The following ELFN2 variants were observed in gnomAD, a reference collection of about 807,000 sequenced individuals.
ELFN2 encodes extracellular leucine rich repeat and fibronectin type III domain containing 2.
In ELFN2, 17 loss-of-function variants were observed where a neutral mutation model predicts 45.5. The ratio of observed to expected loss-of-function variants is 0.37; its 90% CI spans 0.26 to 0.56. ELFN2 has a LOEUF of 0.56. Among genes scored for constraint, ELFN2 ranks in the 20% least tolerant of loss-of-function variants. The pLI, the probability that ELFN2 is intolerant of heterozygous loss-of-function variation, is 0.77. For synonymous variants in ELFN2, 550 were observed against 551.5 expected, an observed-to-expected ratio of 1.00 and a Z score of 0.04; for missense variants, 922 against 1,183.2, an observed-to-expected ratio of 0.78 and a Z score of 3.24.
In ELFN2 at chr22:37,375,385, C is replaced by A. The variant is rs754962894; in HGVS notation, c.150G>T (p.Pro50=). The change falls in exon 3 of 3, where the codon CCG becomes CCT. Residue 50 remains proline (P), a synonymous_variant. Transcript: ENST00000402918. The part of the protein sequence containing the change: ...SQNQPPYETI[P]QHINSTVHDL... ...CGTGCACGGTGCTATTGATGTGCTGCGGGATGGTCTCGTAGGGCGGCTGGT... is the reference window on the plus strand; with the variant it reads ...CGTGCACGGTGCTATTGATGTGCTGAGGGATGGTCTCGTAGGGCGGCTGGT... 2 of 1,614,144 alleles carry A rather than the reference C, an allele frequency of 1.2e-6. No homozygotes were observed. The highest frequency in any genetic ancestry group is 1.1e-5 in the South Asian group (1 of 91,078).
Position 37,389,760 on chromosome 22 carries a change from T to C in ELFN2, c.-462-13764A>G, listed in dbSNP as rs183436279. On this transcript the variant is annotated intron_variant, in intron 2 of 2. Transcript: ENST00000402918. ...CCTGTCTTCTCCATGCCCCCTCCCC[T>C]GCCTGGAGCTACCTGAGGACAGGAC... 2.0e-3 allele frequency among the ~76,000 whole-genome samples: 300 copies of C among 152,282 alleles called. 1 individual carries two copies. Among genetic ancestry groups the C allele is most frequent in the African/African-American group, 7.1e-3 (293 of 41,546 alleles).
chr22:37,383,384 T>C (rs1304798588), intron 2 of ELFN2, among the ~76,000 whole-genome samples: 2 of 152,180 alleles, frequency 1.3e-5, no homozygotes, highest in Non-Finnish European at 2.9e-5. Context: ...CAGTATCTGT[T>C]TAGGTCTCTT....
At chr22:37,422,163 G>A (rs1174720125) in intron 1 of ELFN2, among the ~76,000 whole-genome samples, 6 of 152,082 alleles carry the variant, frequency 3.9e-5, no homozygotes, top group East Asian at 1.9e-4. Flanking sequence ...CACTTCAGGC[G>A]GTGAAAAGCA....
intron 2 of ELFN2, among the ~76,000 whole-genome samples, chr22:37,380,336 T>TCA (rs3041589): frequency 0.8 from 121,039 of 151,904 alleles, 48,675 homozygotes; most frequent in African/African-American, 0.91. Flanking sequence ...TCTCCGAGCC[T>TCA]GTTTCTCCCC....
Position 37,375,576 on chromosome 22 carries a change from T to C in ELFN2, c.-42A>G, listed in dbSNP as rs1329360007. Reference sequence around the variant, plus strand: ...TGAGGGGCCAGGGCAAGGCAGGGGGTGCCTAGCGGCCAGAGGCTGGGGCTG... The same window carrying C: ...TGAGGGGCCAGGGCAAGGCAGGGGGCGCCTAGCGGCCAGAGGCTGGGGCTG... On this transcript the variant is annotated 5_prime_UTR_variant, in exon 3 of 3. Transcript: ENST00000402918. The C allele has an allele frequency of 1.3e-6, 2 of 1,493,396 alleles. No homozygotes were observed. Among genetic ancestry groups the C allele is most frequent in the Non-Finnish European group, 1.8e-6 (2 of 1,121,330 alleles). 92.5% of individuals were successfully genotyped at this position (1,493,396 alleles called of 1,614,324 possible). A position where few individuals can be genotyped will look rare whatever the true frequency, so the allele number is the denominator to read the frequency against.
chr22:37,399,626 G>A (rs907693663), intron 2 of ELFN2, among the ~76,000 whole-genome samples: 5 of 145,314 alleles, frequency 3.4e-5, no homozygotes, highest in South Asian at 2.2e-4. Context: ...CACCGACCAC[G>A]GGGACCACCA....
intron 2 of ELFN2, among the ~76,000 whole-genome samples, chr22:37,390,273 T>C (rs1309436964): frequency 2.0e-5 from 3 of 152,210 alleles, no homozygotes; most frequent in Admixed American, 2.0e-4. Context: ...GTGCGAATGA[T>C]GCCCATTCTA....
At chr22:37,343,773 G>C (rs955535878) in intron 1 of ELFN2, among the ~76,000 whole-genome samples, 21 of 104,604 alleles carry the variant, frequency 2.0e-4, no homozygotes, top group Non-Finnish European at 3.6e-4. Context: ...AGTCCCTCCA[G>C]CCCTATCTAG....
chr22:37,388,044 C>T (rs112699531), intron 2 of ELFN2, among the ~76,000 whole-genome samples: 3 of 151,956 alleles, frequency 2.0e-5, no homozygotes, highest in Non-Finnish European at 2.9e-5. Context: ...GCCTTGGTGC[C>T]GCCGCCTCCC....
chr22:37,355,995 T>A (rs1402258580), intron 1 of ELFN2, among the ~76,000 whole-genome samples: 1 of 152,174 alleles, frequency 6.6e-6, no homozygotes, highest in Non-Finnish European at 1.5e-5. Context: ...TGGGCTGAGT[T>A]CCCCAAAAGC....
At position 37,372,560 on chromosome 22, in the gene ELFN2, CT is replaced by C. The variant is rs901352605; in HGVS notation, c.*511del. The C allele has an allele frequency of 7.2e-5, 11 of 153,344 alleles. No individual in the cohort carries two copies. The highest frequency in any genetic ancestry group is 2.6e-4 in the African/African-American group (11 of 41,524). 9.5% of individuals were successfully genotyped at this position (153,344 alleles called of 1,614,324 possible). A position where few individuals can be genotyped will look rare whatever the true frequency, so the allele number is the denominator to read the frequency against. On this transcript the variant is annotated 3_prime_UTR_variant, in exon 3 of 3. Transcript: ENST00000402918. The surrounding 1 kb of genome is among the most constrained non-coding windows in gnomAD (Gnocchi z 4.4). Reference sequence around the variant, plus strand: ...CTTCTCTGGGCCTCAGTTTCCCCCCCTCTCTAAAGTGGAAGGAGACATTGCC... The same window carrying C: ...CTTCTCTGGGCCTCAGTTTCCCCCCCCTCTAAAGTGGAAGGAGACATTGCC...
intron 2 of ELFN2, among the ~76,000 whole-genome samples, chr22:37,416,965 C>A (rs1260474392): frequency 6.6e-6 from 1 of 152,156 alleles, no homozygotes; most frequent in Non-Finnish European, 1.5e-5. Context: ...CTGTGCGCAG[C>A]CAGCCAGCCT....
At chr22:37,400,430 G>C (rs146793299) in intron 2 of ELFN2, among the ~76,000 whole-genome samples, 5 of 152,332 alleles carry the variant, frequency 3.3e-5, no homozygotes, top group Non-Finnish European at 5.9e-5. Flanking sequence ...TGCCTGGGCA[G>C]GGCTGGGGCA....
rs1756996964 is a variant in ELFN2, at chr22:37,415,806, C to CA, written c.-463+1962dup. Among the ~76,000 whole-genome samples, 4 of 152,060 alleles carry CA rather than the reference C, an allele frequency of 2.6e-5. No homozygotes were observed. In the South Asian group the frequency reaches 6.2e-4, roughly 24 times the overall value. ...TGAAACTCCATCTCTACTAAAAATA[C>CA]AAAAAATTAGCCAGGCGTGGTGGCA... On this transcript the variant is annotated intron_variant, in intron 2 of 2. Transcript: ENST00000402918.
In ELFN2 at chr22:37,373,618, G is replaced by A. The variant is rs1260696445; in HGVS notation, c.1917C>T (p.Ser639=). ...CSVSSSGSIK[S]AKVFSLDVPD... Reference sequence around the variant, plus strand: ...GCACGTCCAGGCTAAAGACCTTGGCGCTCTTGATGGAACCACTGGACGACA... The same window carrying A: ...GCACGTCCAGGCTAAAGACCTTGGCACTCTTGATGGAACCACTGGACGACA... Residue 639 remains serine (S), a synonymous_variant, in exon 3 of 3, where the codon AGC becomes AGT. Coordinates refer to ENST00000402918, the MANE Select transcript of ELFN2 (RefSeq NM_052906.5). 4.0e-5 allele frequency: 64 copies of A among 1,601,324 alleles called. No homozygotes were observed. The highest frequency in any genetic ancestry group is 1.2e-4 in the Admixed American group (7 of 57,176).
intron 2 of ELFN2, among the ~76,000 whole-genome samples, chr22:37,404,853 T>C (rs954276061): frequency 3.3e-5 from 5 of 152,172 alleles, no homozygotes; most frequent in African/African-American, 1.2e-4. Flanking sequence ...TTCACCTCTC[T>C]GAGCCTCAAC....
intron 2 of ELFN2, among the ~76,000 whole-genome samples, chr22:37,412,277 CA>C (rs56073200): frequency 0.35 from 32,002 of 92,142 alleles, 4,170 homozygotes; most frequent in Non-Finnish European, 0.43. Context: ...AACTCCGTCT[CA>C]AAAAAAAAAA....
chr22:37,342,613 G>C (rs1930587461), exon 2 of ELFN2: 2 of 123,168 alleles, frequency 1.6e-5, no homozygotes, highest in Admixed American at 1.5e-4. Context: ...TGTTCTTCTG[G>C]AAATCCACTC....
chr22:37,363,849 G>A (rs1931143412), downstream of ELFN2, among the ~76,000 whole-genome samples: 1 of 152,198 alleles, frequency 6.6e-6, no homozygotes, highest in Non-Finnish European at 1.5e-5. Context: ...AAGGAGCAGA[G>A]GGTGACCCAC....
Sources: gnomAD v4.1 joint callset for allele counts (sites outside exome capture counted in the v4.1 genomes callset) on GRCh38, gnomAD v4.1.1 for gene constraint, Gnocchi (gnomAD v3.1) non-coding constraint, MANE v1.5 for transcripts, NCBI Gene and HGNC (gene_info 2026-07-23, HGNC 2026-07-21) for gene names.